ANKRD55: variants seen among roughly 807,000 people sequenced by gnomAD.
The protein encoded by ANKRD55 is ankyrin repeat domain 55, also known as ankyrin repeat domain-containing protein 55.
In ANKRD55, 41 loss-of-function variants were observed where a neutral mutation model predicts 60.6. The observed-to-expected ratio is 0.68, with a 90% CI of 0.53 to 0.88. The LOEUF is 0.88. Among genes scored for constraint, ANKRD55 ranks in the 40% least tolerant of loss-of-function variants. The probability of loss-of-function intolerance (pLI) is 0.00; values close to 1 mark genes in which losing one functional copy is unlikely to be tolerated. For synonymous variants in ANKRD55, 264 were observed against 290.3 expected (o/e 0.91, Z 0.92); for missense variants, 732 against 767.6 (o/e 0.95, Z 0.55).
At chr5:56,158,727 T>G (rs1464631033) in intron 6 of ANKRD55, among the ~76,000 whole-genome samples, 1 of 152,220 alleles carries the variant, frequency 6.6e-6, no homozygotes, top group Non-Finnish European at 1.5e-5. Context: ...AGGATGTCAC[T>G]CTGTCACCCA....
At chr5:56,155,055 G>C (rs889488417) in intron 6 of ANKRD55, among the ~76,000 whole-genome samples, 1 of 151,976 alleles carries the variant, frequency 6.6e-6, no homozygotes, top group Admixed American at 6.6e-5. Context: ...AACATAGGAA[G>C]ACCCCTGTCT....
chr5:56,206,742 A>G (rs1403699453), intron 2 of ANKRD55, among the ~76,000 whole-genome samples: 2 of 152,234 alleles, frequency 1.3e-5, no homozygotes, highest in African/African-American at 4.8e-5. Flanking sequence ...ACTAACCCAA[A>G]GGCCACAAGA....
In ANKRD55 at chr5:56,116,627, G is replaced by T; in HGVS notation, c.953C>A (p.Ser318Tyr). The T allele has an allele frequency of 6.3e-7, 1 of 1,589,266 alleles. No individual in the cohort carries two copies. The highest frequency in any genetic ancestry group is 8.6e-7 in the Non-Finnish European group (1 of 1,168,838). Residue 318 changes from serine (S) to tyrosine (Y), a missense_variant, in exon 9 of 12, where the codon TCC becomes TAC. Ser to Tyr is a moderately radical substitution (Grantham distance 144). Transcript: ENST00000341048. ...CTGTTGTACTCACCTGCTCTCTTGG[G>T]AGAGGAGTTTGACACACGCCGTGTG... ...CGHTACVKLL[S>Y]QESRTEPTRP...
chr5:56,100,046 A>T lies in ANKRD55; in HGVS notation c.*137T>A, dbSNP rs1756222414. On this transcript the variant is annotated 3_prime_UTR_variant, in exon 12 of 12. Transcript: ENST00000341048. ...GGAGTATCTTTATTTGGAATAAAGAATTTCGAGTTATAAAACTGATGGCTT... is the reference window on the plus strand; with the variant it reads ...GGAGTATCTTTATTTGGAATAAAGATTTTCGAGTTATAAAACTGATGGCTT... The T allele has an allele frequency of 9.5e-6, 11 of 1,159,302 alleles. No individual in the cohort carries two copies. In the South Asian group the frequency reaches 1.5e-4, roughly 15 times the overall value. 71.8% of individuals were successfully genotyped at this position (1,159,302 alleles called of 1,614,324 possible).
At chr5:56,230,871 C>T (rs973883367) in intron 2 of ANKRD55, among the ~76,000 whole-genome samples, 10 of 152,206 alleles carry the variant, frequency 6.6e-5, no homozygotes, top group African/African-American at 1.9e-4. Flanking sequence ...ACTTCAGAAA[C>T]TCCCAGTCCA....
intron 7 of ANKRD55, chr5:56,127,701 T>A: frequency 2.5e-6 from 1 of 404,688 alleles, no homozygotes; most frequent in Non-Finnish European, 3.3e-6. Flanking sequence ...CAAAAACAAT[T>A]AAAAGATAAA....
intron 7 of ANKRD55, among the ~76,000 whole-genome samples, chr5:56,141,663 C>A (rs929644102): frequency 6.6e-6 from 1 of 152,110 alleles, no homozygotes; most frequent in East Asian, 1.9e-4. Context: ...CATGCCTGTT[C>A]CCCCATACCC....
At chr5:56,156,866 G>A (rs975936684) in intron 6 of ANKRD55, 1 of 152,256 alleles carries the variant, frequency 6.6e-6, no homozygotes, top group African/African-American at 2.4e-5. Context: ...TTTCTGATGT[G>A]GTCATTAATG....
At chr5:56,213,884 T>C (rs1304147545) in intron 2 of ANKRD55, among the ~76,000 whole-genome samples, 2 of 152,192 alleles carry the variant, frequency 1.3e-5, no homozygotes, top group African/African-American at 4.8e-5. Context: ...AAAAGAGGTA[T>C]GTATTAGTCT....
chr5:56,146,438 C>A (rs1396772563), intron 6 of ANKRD55, among the ~76,000 whole-genome samples: 7 of 152,074 alleles, frequency 4.6e-5, no homozygotes, highest in Non-Finnish European at 8.8e-5. Flanking sequence ...GTGCCCGCCA[C>A]CACGCCTGCC....
At position 56,141,137 on chromosome 5, in the gene ANKRD55, T is replaced by TTTG. The variant is rs1040985490; in HGVS notation, c.612+2663_612+2664insCAA. 1.8e-4 allele frequency among the ~76,000 whole-genome samples: 27 copies of TTTG among 149,124 alleles called. No individual in the cohort carries two copies. The South Asian group carries it at 2.8e-3, about 15-fold the overall frequency. ...TACATGCATGCACACACAGTTTTTT[T>TTTG]TTTTTTTTTTTTTATATAGAGATGG... On this transcript the variant is annotated intron_variant, in intron 7 of 11. Transcript: ENST00000341048.
chr5:56,183,899 T>C (rs1271268312), intron 2 of ANKRD55, among the ~76,000 whole-genome samples: 2 of 152,196 alleles, frequency 1.3e-5, no homozygotes, highest in Non-Finnish European at 2.9e-5. Context: ...TTCCAGGCAT[T>C]CAGGCTTCTC....
At chr5:56,100,393 G>A (rs754557319) in intron 11 of ANKRD55, 89 bp from the exon 12 acceptor site, 9 of 1,509,026 alleles carry the variant, frequency 6.0e-6, no homozygotes, top group Non-Finnish European at 7.3e-6. Context: ...TTTAGGAGTC[G>A]AGGCATTTCT....
At position 56,111,706 on chromosome 5, in the gene ANKRD55, G is replaced by T. The variant is rs551715515; in HGVS notation, c.1042C>A (p.Gln348Lys). ...TCTTTCTTGTTTTTGCAGAATATTT[G>T]GTTGAGCACGTTGAACCGTCTCTCC... Reference protein sequence around the residue: ...KKERRFNVLNQIFCKNKKEEQ... With the variant: ...KKERRFNVLNKIFCKNKKEEQ... Residue 348 changes from glutamine to lysine, a missense_variant, in exon 10 of 12, where the codon CAA (glutamine) becomes AAA (lysine). This residue lies in a region of ANKRD55 where 597 missense variants were observed against 607.5 expected (regional missense o/e 0.98). Transcript: ENST00000341048. 3.0e-5 allele frequency: 45 copies of T among 1,521,950 alleles called. 1 individual carries two copies. The South Asian group carries it at 5.4e-4, about 18-fold the overall frequency. 94.3% of individuals were successfully genotyped at this position (1,521,950 alleles called of 1,614,324 possible).
At chr5:56,224,704 C>T (rs1249911749) in intron 2 of ANKRD55, among the ~76,000 whole-genome samples, 1 of 152,100 alleles carries the variant, frequency 6.6e-6, no homozygotes, top group Non-Finnish European at 1.5e-5. Context: ...ACAATAAACA[C>T]CTCTACGCAA....
chr5:56,181,120 C>G (rs2111828906), intron 3 of ANKRD55, among the ~76,000 whole-genome samples: 1 of 152,224 alleles, frequency 6.6e-6, no homozygotes, highest in Middle Eastern at 3.4e-3. Context: ...TTGCTTGAAC[C>G]CGGGAGGTGG....
intron 2 of ANKRD55, among the ~76,000 whole-genome samples, chr5:56,223,854 A>G (rs1266589753): frequency 3.9e-5 from 6 of 152,242 alleles, no homozygotes; most frequent in Non-Finnish European, 4.4e-5. Flanking sequence ...TTAGAGAACT[A>G]CAAAGAGACT....
chr5:56,127,215 G>C, intron 7 of ANKRD55, 109 bp from the exon 8 acceptor site: 3 of 1,296,138 alleles, frequency 2.3e-6, no homozygotes. Context: ...AAGAAAGAAA[G>C]AAAAAAGATG....
intron 6 of ANKRD55, among the ~76,000 whole-genome samples, chr5:56,148,896 T>G (rs1413011568): frequency 6.6e-6 from 1 of 151,836 alleles, no homozygotes; most frequent in Non-Finnish European, 1.5e-5. Context: ...GGCTGAGAGG[T>G]CAGTAAACAA....
Sources: gnomAD v4.1 joint callset for allele counts (sites outside exome capture counted in the v4.1 genomes callset) on GRCh38, gnomAD v4.1.1 for gene constraint, gnomAD v4.1.1 regional missense constraint, MANE v1.5 for transcripts, NCBI Gene and HGNC (gene_info 2026-07-23, HGNC 2026-07-21) for gene names.